The following NCF4 variants were observed in gnomAD, a reference collection of about 807,000 sequenced individuals.
NCF4 encodes neutrophil cytosol factor 4.
A neutral mutation model predicts 41.7 loss-of-function variants in NCF4; 30 were observed. That is an observed-to-expected ratio of 0.72 (90% CI 0.54 to 0.97). The LOEUF (loss-of-function observed/expected upper bound fraction) is 0.97, where lower values mean the gene tolerates loss of function less well. Among genes scored for constraint, NCF4 ranks in the 50% least tolerant of loss-of-function variants. The pLI is 0.00. For missense variants in NCF4, 432 were observed against 460.9 expected (o/e 0.94, Z 0.57); for synonymous variants, 195 against 175.8 (o/e 1.11, Z -0.87).
chr22:36,861,118 C>G lies in NCF4; in HGVS notation c.-54C>G, dbSNP rs1939763828. On this transcript the variant is annotated 5_prime_UTR_variant, in exon 1 of 10. Coordinates refer to ENST00000248899, the MANE Select transcript of NCF4 (RefSeq NM_000631.5). ...TGGAGGAAGTGAGAGGTGAACTCAG[C>G]CTGGGACTGGCTGGGCGAGACTCTC... 2 of 1,549,586 alleles carry G rather than the reference C, an allele frequency of 1.3e-6. No individual in the cohort carries two copies. Among genetic ancestry groups the G allele is most frequent in the African/African-American group, 2.7e-5 (2 of 72,992 alleles).
At chr22:36,876,205 TCTC>T (rs1569117099) in intron 9 of NCF4, 111 bp downstream of exon 9, 5 of 1,109,198 alleles carry the variant, frequency 4.5e-6, no homozygotes, top group East Asian at 2.6e-5. Flanking sequence ...TACTTTGTCT[TCTC>T]TTTTTATCCG....
chr22:36,875,700 G>C lies in NCF4; in HGVS notation c.675G>C (p.Lys225Asn), dbSNP rs753071695. 2 of 1,613,388 alleles carry C rather than the reference G, an allele frequency of 1.2e-6. No individual in the cohort carries two copies. Among genetic ancestry groups the C allele is most frequent in the Non-Finnish European group, 1.7e-6 (2 of 1,180,034 alleles). ...ATGIFPLSFVKILKDFPEEDD... is the reference protein window; with the variant it reads ...ATGIFPLSFVNILKDFPEEDD... ...GCATCTTCCCTCTCTCCTTCGTGAA[G>C]ATCCTCAAAGACTTCCCTGAGGAGG... Residue 225 changes from lysine (K) to asparagine (N), a missense_variant, in exon 8 of 10, where the codon AAG becomes AAC. Coordinates refer to ENST00000248899, the MANE Select transcript of NCF4 (RefSeq NM_000631.5).
At chr22:36,870,720 G>A (rs1940036629) in intron 5 of NCF4, among the ~76,000 whole-genome samples, 178 bp downstream of exon 5, 1 of 152,260 alleles carries the variant, frequency 6.6e-6, no homozygotes, top group Non-Finnish European at 1.5e-5. Context: ...TGGAGGGACA[G>A]AGGGTGTGTG....
intron 5 of NCF4, among the ~76,000 whole-genome samples, chr22:36,870,967 T>C (rs1187864386): frequency 2.0e-5 from 3 of 152,228 alleles, no homozygotes; most frequent in Non-Finnish European, 4.4e-5. Flanking sequence ...AGTTGTATCA[T>C]GCTGGCCTCC....
In NCF4 at chr22:36,870,395, C is replaced by T. The variant is rs781216132; in HGVS notation, c.343-20C>T. The T allele has an allele frequency of 1.2e-6, 2 of 1,613,652 alleles. No homozygotes were observed. The highest frequency in any genetic ancestry group is 2.2e-5 in the South Asian group (2 of 91,082). ...CTTTCTGCTGACTACCCCACCGGTTCTGCTGTCTCACCCACACAGAGCCTG... is the reference window on the plus strand; with the variant it reads ...CTTTCTGCTGACTACCCCACCGGTTTTGCTGTCTCACCCACACAGAGCCTG... On this transcript the variant is annotated intron_variant, in intron 4 of 9. Transcript: ENST00000248899.
At position 36,861,083 on chromosome 22, in the gene NCF4, G is replaced by A. The variant is rs1324512340; in HGVS notation, c.-89G>A. ...CCAGGACCACAGGCTGAGACGAGACGCAGGGTGGCTGGAGGAAGTGAGAGG... is the reference window on the plus strand; with the variant it reads ...CCAGGACCACAGGCTGAGACGAGACACAGGGTGGCTGGAGGAAGTGAGAGG... On this transcript the variant is annotated 5_prime_UTR_variant, in exon 1 of 10. Coordinates refer to ENST00000248899, the MANE Select transcript of NCF4 (RefSeq NM_000631.5). 21 of 1,512,014 alleles carry A rather than the reference G, an allele frequency of 1.4e-5. No individual in the cohort carries two copies. The highest frequency in any genetic ancestry group is 4.9e-5 in the East Asian group (2 of 40,724). The allele number at this position is 1,512,014 out of a possible 1,614,324, so 93.7% of individuals were successfully genotyped here.
chr22:36,872,718 G>A (rs76947907), intron 7 of NCF4, among the ~76,000 whole-genome samples: 41 of 144,730 alleles, frequency 2.8e-4, no homozygotes, highest in African/African-American at 9.6e-4. Flanking sequence ...TGGAGGTGAG[G>A]TTGGAGGTGA....
At position 36,867,110 on chromosome 22, in the gene NCF4, C is replaced by CGTGTGTGTGTGT. The variant is rs3221695; in HGVS notation, c.272-260_272-249dup. ...ATCCTGCTCTCTTAGAACTAAGAGT[C>CGTGTGTGTGTGT]GTGTGTGTGTGTGTGTGTGTGTGTG... On this transcript the variant is annotated intron_variant, in intron 3 of 9. Transcript: ENST00000248899. Among the ~76,000 whole-genome samples, 4,805 of 143,800 alleles carry CGTGTGTGTGTGT rather than the reference C, an allele frequency of 0.033. 124 individuals are homozygous for CGTGTGTGTGTGT. Among genetic ancestry groups the CGTGTGTGTGTGT allele is most frequent in the Admixed American group, 0.08 (1,156 of 14,480 alleles). The allele number at this position is 143,800 out of a possible 152,430, so 94.3% of individuals were successfully genotyped here. A position where few individuals can be genotyped will look rare whatever the true frequency, so the allele number is the denominator to read the frequency against.
rs972471410 is a variant in NCF4 at position 36,871,574 on chromosome 22, G to T, written c.471-78G>T. On this transcript the variant is annotated intron_variant, in intron 5 of 9. Transcript: ENST00000248899. ...CTGCCTTCCCTGCTCCTTGCAAGGG[G>T]CTCCTCTGGACACAGGAGCAGGAAG... is the stretch of plus-strand genomic sequence containing the variant. 9.5e-6 allele frequency: 14 copies of T among 1,472,288 alleles called. No homozygotes were observed. In the African/African-American group the frequency reaches 2.0e-4, roughly 21 times the overall value. The allele number at this position is 1,472,288 out of a possible 1,614,324, so 91.2% of individuals were successfully genotyped here. A position where few individuals can be genotyped will look rare whatever the true frequency, so the allele number is the denominator to read the frequency against.
At chr22:36,867,104 A>G (rs1781187237) in intron 3 of NCF4, among the ~76,000 whole-genome samples, 1 of 100,600 alleles carries the variant, frequency 9.9e-6, no homozygotes, top group African/African-American at 4.3e-5. Context: ...TCTTAGAACT[A>G]AGAGTCGTGT....
intron 6 of NCF4, 79 bp from the exon 7 acceptor site, chr22:36,872,248 G>C: frequency 8.8e-7 from 1 of 1,132,422 alleles, no homozygotes; most frequent in Non-Finnish European, 1.3e-6. Flanking sequence ...TAAAATGGGA[G>C]ACTAAAGTAT....
chr22:36,870,146 C>G (rs1010252227), intron 4 of NCF4: 1 of 512,794 alleles, frequency 2.0e-6, no homozygotes, highest in African/African-American at 1.9e-5. Flanking sequence ...ACTGCTGTTT[C>G]TGGAGAACTT....
chr22:36,871,658 C>T lies in NCF4; in HGVS notation c.477C>T (p.Ser159=), dbSNP rs752773971. 5.1e-6 allele frequency: 8 copies of T among 1,569,408 alleles called. No homozygotes were observed. The South Asian group carries it at 5.9e-5, about 11-fold the overall frequency. ...CCCTCTTCTCTCTCCACAGCAAGAGCGTGTCCCCACAGGGCAACAGCGTTG... is the reference window on the plus strand; with the variant it reads ...CCCTCTTCTCTCTCCACAGCAAGAGTGTGTCCCCACAGGGCAACAGCGTTG... The part of the protein sequence containing the change: ...RLRPRTRKVK[S]VSPQGNSVDR... The change falls in exon 6 of 10, where the codon AGC becomes AGT. Residue 159 remains serine (S), a synonymous_variant. Coordinates refer to ENST00000248899, the MANE Select transcript of NCF4 (RefSeq NM_000631.5).
rs1206174518 is a variant in NCF4, at chr22:36,872,426, G to A, written c.627+1G>A. ...TCGGATCAACAAAGACTGGCTGGAG[G>A]TGAGTTCAGAAGTGAGGATGGAGGT... On this transcript the variant is annotated splice_donor_variant, in intron 7 of 9. Coordinates refer to ENST00000248899, the MANE Select transcript of NCF4 (RefSeq NM_000631.5). LOFTEE classifies it high-confidence loss of function. The A allele has an allele frequency of 6.3e-7, 1 of 1,599,940 alleles. No individual in the cohort carries two copies. The highest frequency in any genetic ancestry group is 8.6e-7 in the Non-Finnish European group (1 of 1,167,154).
chr22:36,869,162 A>G (rs1399810464), intron 4 of NCF4, among the ~76,000 whole-genome samples: 1 of 152,156 alleles, frequency 6.6e-6, no homozygotes, highest in East Asian at 1.9e-4. Context: ...ATGAGATTTG[A>G]ATTCACATCT....
intron 9 of NCF4, 91 bp downstream of exon 9, chr22:36,876,185 G>C: frequency 7.9e-7 from 1 of 1,263,630 alleles, no homozygotes. Flanking sequence ...AGGTGCTGGG[G>C]TTTTGCGTGT....
chr22:36,870,360 G>T (rs1569113516), intron 4 of NCF4, 55 bp from the exon 5 acceptor site: 2 of 1,611,710 alleles, frequency 1.2e-6, no homozygotes, highest in East Asian at 2.2e-5. Flanking sequence ...CTAGGCTGGG[G>T]TGTCCAGATC....
intron 3 of NCF4, among the ~76,000 whole-genome samples, chr22:36,866,129 A>G (rs1401522056): frequency 6.6e-6 from 1 of 152,128 alleles, no homozygotes; most frequent in African/African-American, 2.4e-5. Context: ...AGCCTCCCTG[A>G]GCCTCCGTGC....
In NCF4 at chr22:36,865,883, C is replaced by A. The variant is rs1303941353; in HGVS notation, c.271+811C>A. 2.6e-5 allele frequency among the ~76,000 whole-genome samples: 4 copies of A among 152,144 alleles called. No individual in the cohort carries two copies. Among genetic ancestry groups the A allele is most frequent in the African/African-American group, 9.7e-5 (4 of 41,414 alleles). On this transcript the variant is annotated intron_variant, in intron 3 of 9. Coordinates refer to ENST00000248899, the MANE Select transcript of NCF4 (RefSeq NM_000631.5). The surrounding 1 kb of genome is among the most constrained non-coding windows in gnomAD (Gnocchi z 4.3). Reference sequence around the variant, plus strand: ...CCCCGCTCCTTCTCATCCAGCCCCACCAAGGAACTTGAAGCTCCCCCTAGG... The same window carrying A: ...CCCCGCTCCTTCTCATCCAGCCCCAACAAGGAACTTGAAGCTCCCCCTAGG...
Sources: gnomAD v4.1 joint callset for allele counts (sites outside exome capture counted in the v4.1 genomes callset) on GRCh38, gnomAD v4.1.1 for gene constraint, Gnocchi (gnomAD v3.1) non-coding constraint, MANE v1.5 for transcripts, NCBI Gene and HGNC (gene_info 2026-07-23, HGNC 2026-07-21) for gene names.